Variants in EPG5 observed in about 807,000 individuals in gnomAD.
The protein encoded by EPG5 is ectopic P granules protein 5 homolog.
Under a neutral mutation model 302.7 loss-of-function variants are expected in EPG5, and 159 were observed. That is an observed-to-expected ratio of 0.53 (90% CI 0.46 to 0.60). The LOEUF (loss-of-function observed/expected upper bound fraction) is 0.60, where lower values mean the gene tolerates loss of function less well. EPG5 is among the 20% of genes least tolerant of loss of function. The pLI is 0.00. For missense variants in EPG5, 2,896 were observed against 3,092.4 expected, an observed-to-expected ratio of 0.94 and a Z score of 1.51; for synonymous variants, 1,158 against 1,136.8, an observed-to-expected ratio of 1.02 and a Z score of -0.37.
chr18:45,921,853 C>T (rs547073713), intron 16 of EPG5, among the ~76,000 whole-genome samples: 155 of 151,686 alleles, frequency 1.0e-3, no homozygotes, highest in African/African-American at 3.5e-3. Context: ...AGGAGAAATA[C>T]CTAATGTAAA....
chr18:45,882,881 C>G (rs2043630911), intron 30 of EPG5, among the ~76,000 whole-genome samples: 1 of 151,940 alleles, frequency 6.6e-6, no homozygotes. Flanking sequence ...GTGGCATATG[C>G]CTGTAATCCC....
chr18:45,883,623 T>TG (rs1408159231), intron 30 of EPG5, among the ~76,000 whole-genome samples: 2 of 135,308 alleles, frequency 1.5e-5, no homozygotes, highest in Non-Finnish European at 3.1e-5. Flanking sequence ...TGTTTTTTTT[T>TG]TTTTTTTTTT....
At chr18:45,911,673 G>A (rs1335838913) in intron 22 of EPG5, among the ~76,000 whole-genome samples, 1 of 151,994 alleles carries the variant, frequency 6.6e-6, no homozygotes, top group Non-Finnish European at 1.5e-5. Context: ...TTGACCTCAA[G>A]TGATCCTCCC....
chr18:45,837,595 CT>C, the EPG5 span: 4 of 1,512,028 alleles, frequency 2.6e-6, no homozygotes, highest in African/African-American at 1.4e-5. Context: ...TGCCCTGCAC[CT>C]TCACGCACCC....
intron 6 of EPG5, among the ~76,000 whole-genome samples, chr18:45,947,391 G>A (rs1472310563): frequency 6.6e-6 from 1 of 151,894 alleles, no homozygotes; most frequent in Non-Finnish European, 1.5e-5. Context: ...CCAGCCTAGC[G>A]AAAGAGAGAG....
At chr18:45,856,150 T>C (rs1296829384) in intron 42 of EPG5, among the ~76,000 whole-genome samples, 1 of 152,218 alleles carries the variant, frequency 6.6e-6, no homozygotes, top group Non-Finnish European at 1.5e-5. Context: ...ACAATCCAAA[T>C]GTCCATCAGC....
chr18:45,885,051 G>A (rs1047963567), intron 29 of EPG5, among the ~76,000 whole-genome samples: 2 of 152,144 alleles, frequency 1.3e-5, no homozygotes, highest in African/African-American at 4.8e-5. Flanking sequence ...AGAAAATGCT[G>A]AGTTAGTCCG....
At chr18:45,854,991 G>C (rs2048484588) in intron 43 of EPG5, among the ~76,000 whole-genome samples, 3 of 152,170 alleles carry the variant, frequency 2.0e-5, no homozygotes, top group Non-Finnish European at 4.4e-5. Context: ...CACGAATGCT[G>C]ATCATCATTT....
chr18:45,910,772 C>A, intron 22 of EPG5, 30 bp from the exon 23 acceptor site: 1 of 1,556,000 alleles, frequency 6.4e-7, no homozygotes, highest in Non-Finnish European at 8.8e-7. Context: ...GATCTATAAC[C>A]TTTCAACACA....
In EPG5 at chr18:45,925,746, C is replaced by T. The variant is rs754355395; in HGVS notation, c.2710G>A (p.Ala904Thr). The T allele has an allele frequency of 7.0e-5, 107 of 1,535,462 alleles. No individual in the cohort carries two copies. In the Middle Eastern group the frequency reaches 8.5e-4, roughly 12 times the overall value. Reference protein sequence around the residue: ...VILEGLNWGFAKQATLHLDQA... With the variant: ...VILEGLNWGFTKQATLHLDQA... ...ATGGTTTGAACACATACCTGTTTAG[C>T]AAATCCCCAATTCAGTCCTTCAAGA... The change falls in exon 14 of 44, where the codon GCT becomes ACT. Residue 904 changes from alanine (A) to threonine (T), a missense_variant. Around this residue, in one of 5 missense-constraint regions of EPG5, gnomAD observed 1,390 missense variants for 1,430.0 expected, o/e 0.97. Transcript: ENST00000282041.
rs1201131903 is a variant in EPG5, at chr18:45,954,797, G to A, written c.605C>T (p.Pro202Leu). ...PQNVGLQSSC[P>L]AKHGFQTPRV... ...AGGTGTCTGAAAACCATGTTTGGCT[G>A]GGCAAGAACTCTGCAAGCCAACATT... is the stretch of plus-strand genomic sequence containing the variant. The change falls in exon 2 of 44, where the codon CCA becomes CTA. Residue 202 changes from proline to leucine, a missense_variant. Pro to Leu is a moderately conservative substitution (Grantham distance 98, BLOSUM62 -3). Coordinates refer to ENST00000282041, the MANE Select transcript of EPG5 (RefSeq NM_020964.3). 1.2e-6 allele frequency: 2 copies of A among 1,613,924 alleles called. No homozygotes were observed. Among genetic ancestry groups the A allele is most frequent in the Non-Finnish European group, 1.7e-6 (2 of 1,179,996 alleles).
chr18:45,867,195 C>T (rs1387510412), intron 37 of EPG5, among the ~76,000 whole-genome samples, 188 bp from the exon 38 acceptor site: 1 of 152,186 alleles, frequency 6.6e-6, no homozygotes, highest in African/African-American at 2.4e-5. Flanking sequence ...TTGGCAAAAA[C>T]ACATTCATAT....
At chr18:45,815,558 A>G in the EPG5 span, among the ~76,000 whole-genome samples, 4 of 152,200 alleles carry the variant, frequency 2.6e-5, no homozygotes, top group Non-Finnish European at 5.9e-5. Context: ...AAAATAAAAT[A>G]AAATACTTAC....
At chr18:45,870,804 AAGCAAATTTGAACT>A in intron 35 of EPG5, 62 bp from the exon 36 acceptor site, 1 of 1,230,024 alleles carries the variant, frequency 8.1e-7, no homozygotes, top group Non-Finnish European at 1.1e-6. Flanking sequence ...AAAAAAAAAA[AAGCAAATTTGAACT>A]AAAAGTCTAA....
intron 17 of EPG5, among the ~76,000 whole-genome samples, 199 bp downstream of exon 17, chr18:45,917,480 A>G: frequency 6.6e-6 from 1 of 152,238 alleles, no homozygotes; most frequent in Non-Finnish European, 1.5e-5. Flanking sequence ...AATATCTTTC[A>G]TGGTAATAAA....
chr18:45,813,321 C>T, the EPG5 span, among the ~76,000 whole-genome samples: 33 of 152,276 alleles, frequency 2.2e-4, no homozygotes, highest in African/African-American at 7.2e-4. Flanking sequence ...GTTGGTGGGA[C>T]TGTAAACTAG....
At chr18:45,927,889 T>C (rs2050311527) in intron 13 of EPG5, among the ~76,000 whole-genome samples, 1 of 151,908 alleles carries the variant, frequency 6.6e-6, no homozygotes, top group Non-Finnish European at 1.5e-5. Context: ...CTGAAGGAGA[T>C]AGAAGAGTAA....
intron 14 of EPG5, among the ~76,000 whole-genome samples, chr18:45,925,026 G>C (rs949813507): frequency 6.6e-6 from 1 of 152,336 alleles, no homozygotes; most frequent in East Asian, 1.9e-4. Context: ...TCAGAACCCA[G>C]GGAGGCTGGC....
chr18:45,841,439 G>T, the EPG5 span, among the ~76,000 whole-genome samples: 1 of 152,208 alleles, frequency 6.6e-6, no homozygotes, highest in East Asian at 1.9e-4. Context: ...GTTATTGTGG[G>T]TGCAATGGGA....
Sources: allele counts gnomAD v4.1 joint callset (sites outside exome capture counted in the v4.1 genomes callset), GRCh38; gene constraint gnomAD v4.1.1; regional missense constraint gnomAD v4.1.1; transcripts MANE v1.5; gene names NCBI Gene and HGNC (gene_info 2026-07-23, HGNC 2026-07-21).